KDM3B: variants seen among roughly 807,000 people sequenced by gnomAD.
The protein encoded by KDM3B is lysine-specific demethylase 3B.
In KDM3B, 10 loss-of-function variants were observed where a neutral mutation model predicts 170.0. The observed-to-expected ratio is 0.06, with a 90% CI of 0.04 to 0.10. The LOEUF (loss-of-function observed/expected upper bound fraction) is 0.10. KDM3B is among the 10% of genes least tolerant of loss of function. The probability of loss-of-function intolerance (pLI) is 1.00; values close to 1 mark genes in which losing one functional copy is unlikely to be tolerated. For missense variants in KDM3B, 1,394 were observed against 2,195.2 expected, an observed-to-expected ratio of 0.64 and a Z score of 7.29; for synonymous variants, 831 against 834.8, an observed-to-expected ratio of 1.00 and a Z score of 0.08.
intron 11 of KDM3B, among the ~76,000 whole-genome samples, chr5:138,402,823 AAG>A (rs1762724805): frequency 6.6e-6 from 1 of 152,224 alleles, no homozygotes; most frequent in Non-Finnish European, 1.5e-5. Flanking sequence ...CAGCAAGGGA[AAG>A]AGAACCAAAA....
Position 138,428,637 on chromosome 5 carries a change from G to A in KDM3B, c.4753+551G>A, listed in dbSNP as rs991249164. On this transcript the variant is annotated intron_variant, in intron 20 of 23. Coordinates refer to ENST00000314358, the MANE Select transcript of KDM3B (RefSeq NM_016604.4). ...CTAATAGAGAAGAGTACTACTTTGC[G>A]TATCTTTGACTAGAGTCTCTTTCTA... 5.3e-5 allele frequency among the ~76,000 whole-genome samples: 8 copies of A among 152,090 alleles called. No homozygotes were observed. In the South Asian group the frequency reaches 8.3e-4, roughly 16 times the overall value.
intron 1 of KDM3B, among the ~76,000 whole-genome samples, chr5:138,358,089 C>G (rs1188398980): frequency 6.6e-6 from 1 of 151,068 alleles, no homozygotes; most frequent in Non-Finnish European, 1.5e-5. Flanking sequence ...CCTCTGCCTC[C>G]TGGGTTCAAG....
At chr5:138,377,588 G>C (rs1311059293) in intron 3 of KDM3B, 132 bp from the exon 4 acceptor site, 3 of 604,580 alleles carry the variant, frequency 5.0e-6, no homozygotes. Flanking sequence ...CGCCTAGCCT[G>C]AGACTAAGGT....
chr5:138,386,561 C>T lies in KDM3B; in HGVS notation c.1320C>T (p.Gly440=). The change falls in exon 7 of 24, where the codon GGC becomes GGT. Residue 440 remains glycine, a synonymous_variant. Transcript: ENST00000314358. ...ACACAGTGAGGATCTCAGACACTGG[C>T]CTTGCAGCAGGGACTGTGCCAGAAA... ...TPNTVRISDT[G]LAAGTVPEKQ... 1 of 1,614,192 alleles carries T rather than the reference C, an allele frequency of 6.2e-7. No individual in the cohort carries two copies. The highest frequency in any genetic ancestry group is 1.1e-5 in the South Asian group (1 of 91,086).
chr5:138,435,930 A>C lies in KDM3B; in HGVS notation c.*230A>C. 1 of 484,456 alleles carries C rather than the reference A, an allele frequency of 2.1e-6. No individual in the cohort carries two copies. 30.0% of individuals were successfully genotyped at this position (484,456 alleles called of 1,614,324 possible). A position where few individuals can be genotyped will look rare whatever the true frequency, so the allele number is the denominator to read the frequency against. On this transcript the variant is annotated 3_prime_UTR_variant, in exon 24 of 24. Transcript: ENST00000314358. ...TGAGACTCCAAGCCAAGAGTGCCAC[A>C]TCCCTATCCTGTGGCCTTTTGGAAA...
At chr5:138,387,476 T>C (rs1173287897) in intron 7 of KDM3B, among the ~76,000 whole-genome samples, 2 of 152,188 alleles carry the variant, frequency 1.3e-5, no homozygotes, top group Non-Finnish European at 2.9e-5. Context: ...ATATTATATA[T>C]AAGGAATTGA....
chr5:138,372,887 A>G (rs751321818), intron 2 of KDM3B, 46 bp downstream of exon 2: 27 of 1,528,066 alleles, frequency 1.8e-5, no homozygotes, highest in Admixed American at 7.5e-5. Flanking sequence ...CTTTACTCCT[A>G]TAATATAACT....
At chr5:138,426,561 C>T (rs2127001770) in intron 17 of KDM3B, among the ~76,000 whole-genome samples, 1 of 128,166 alleles carries the variant, frequency 7.8e-6, no homozygotes, top group Non-Finnish European at 1.6e-5. Context: ...GGCAACAGAG[C>T]GAGACTCCAT....
chr5:138,406,871 T>G (rs1762834888), intron 11 of KDM3B, among the ~76,000 whole-genome samples: 1 of 151,484 alleles, frequency 6.6e-6, no homozygotes, highest in Admixed American at 6.6e-5. Context: ...CAGGGGAACA[T>G]AGTGAGACCC....
Position 138,425,461 on chromosome 5 carries a change from G to A in KDM3B, c.4290G>A (p.Lys1430=). ...AAAAGCTCAAGTCTGAGCTCTGGAA[G>A]CCAGAAGCCTTTAGCCAGGAATTTG... is the stretch of plus-strand genomic sequence containing the variant. ...VHKKLKSELW[K]PEAFSQEFGD... Residue 1430 remains lysine (K), a synonymous_variant, in exon 17 of 24, where the codon AAG becomes AAA. Transcript: ENST00000314358. The A allele has an allele frequency of 1.2e-6, 2 of 1,614,204 alleles. No individual in the cohort carries two copies. Among genetic ancestry groups the A allele is most frequent in the Non-Finnish European group, 1.7e-6 (2 of 1,180,022 alleles).
At position 138,375,018 on chromosome 5, in the gene KDM3B, A is replaced by C. The variant is rs1761961868; in HGVS notation, c.361-75A>C. On this transcript the variant is annotated intron_variant, in intron 2 of 23. Transcript: ENST00000314358. Reference sequence around the variant, plus strand: ...GAAAGATATAATAATTATTTCTTTGAAGTTAGAGATTTGTTTGAATTGCTG... The same window carrying C: ...GAAAGATATAATAATTATTTCTTTGCAGTTAGAGATTTGTTTGAATTGCTG... 2.4e-5 allele frequency: 19 copies of C among 796,432 alleles called. No individual in the cohort carries two copies. In the South Asian group the frequency reaches 2.6e-4, roughly 11 times the overall value. The allele number at this position is 796,432 out of a possible 1,614,324, so 49.3% of individuals were successfully genotyped here.
intron 6 of KDM3B, among the ~76,000 whole-genome samples, chr5:138,383,705 C>G (rs573243891): frequency 2.0e-4 from 30 of 152,154 alleles, no homozygotes; most frequent in South Asian, 1.2e-3. Flanking sequence ...TTTTAAAAAT[C>G]AAAAGAGGCC....
At chr5:138,378,310 C>G (rs747745918) in intron 4 of KDM3B, among the ~76,000 whole-genome samples, 1 of 152,060 alleles carries the variant, frequency 6.6e-6, no homozygotes, top group Non-Finnish European at 1.5e-5. Context: ...AAAATCTTTG[C>G]TTTTTTAACT....
rs1197063824 is a variant in KDM3B at position 138,435,673 on chromosome 5, T to C, written c.5259T>C (p.Ala1753=). The change falls in exon 24 of 24, where the codon GCT becomes GCC. Residue 1753 remains alanine (A), a synonymous_variant. Transcript: ENST00000314358. ...AVKDAVGTLK[A]HESKLARS The stretch of plus-strand genomic sequence containing the variant: ...AAGATGCGGTTGGCACCCTCAAGGC[T>C]CATGAATCCAAACTGGCAAGGTCCT... 6.2e-7 allele frequency: 1 copy of C among 1,613,718 alleles called. No individual in the cohort carries two copies. The highest frequency in any genetic ancestry group is 8.5e-7 in the Non-Finnish European group (1 of 1,179,824).
chr5:138,410,988 C>T (rs1762953091), intron 11 of KDM3B, among the ~76,000 whole-genome samples: 1 of 152,206 alleles, frequency 6.6e-6, no homozygotes, highest in Non-Finnish European at 1.5e-5. Flanking sequence ...ACGGTTAGGC[C>T]TCCGGATAAC....
chr5:138,418,909 A>C, intron 13 of KDM3B, 44 bp from the exon 14 acceptor site: 2 of 1,583,944 alleles, frequency 1.3e-6, no homozygotes, highest in South Asian at 2.3e-5. Flanking sequence ...ATTTTTTTCT[A>C]CCCAAGCACA....
At position 138,435,268 on chromosome 5, in the gene KDM3B, T is replaced by C. The variant is rs1561801496; in HGVS notation, c.5206-352T>C. Among the ~76,000 whole-genome samples the C allele has an allele frequency of 2.6e-5, 4 of 152,186 alleles. 1 individual carries two copies. In the South Asian group the frequency reaches 8.3e-4, roughly 32 times the overall value. On this transcript the variant is annotated intron_variant, in intron 23 of 23. Coordinates refer to ENST00000314358, the MANE Select transcript of KDM3B (RefSeq NM_016604.4). ...CTCCAGGTGTTCACTGTGGCCTTAG[T>C]TTCCGCAGTTTCTCCTCTGTAAATT...
chr5:138,419,304 A>G, intron 14 of KDM3B, 72 bp downstream of exon 14: 1 of 1,468,348 alleles, frequency 6.8e-7, no homozygotes, highest in Non-Finnish European at 9.3e-7. Flanking sequence ...CTTTGAACTC[A>G]CACATTACCA....
chr5:138,419,764 CACAT>C (rs1350632763), intron 14 of KDM3B, among the ~76,000 whole-genome samples: 1 of 133,272 alleles, frequency 7.5e-6, no homozygotes, highest in African/African-American at 2.7e-5. Context: ...CACACACACA[CACAT>C]ATATATGAGG....
Sources: allele counts gnomAD v4.1 joint callset (sites outside exome capture counted in the v4.1 genomes callset), GRCh38; gene constraint gnomAD v4.1.1; transcripts MANE v1.5; gene names NCBI Gene and HGNC (gene_info 2026-07-23, HGNC 2026-07-21).